ZRANB3: variants seen among roughly 807,000 people sequenced by gnomAD.
ZRANB3 encodes DNA annealing helicase and endonuclease ZRANB3.
In ZRANB3, 125 loss-of-function variants were observed where a neutral mutation model predicts 133.8. The observed-to-expected ratio is 0.93, with a 90% CI of 0.81 to 1.08. The LOEUF is 1.08. Among genes scored for constraint, ZRANB3 ranks in the 50% least tolerant of loss-of-function variants. The pLI is 0.00. For missense variants in ZRANB3, 1,229 were observed against 1,275.5 expected (o/e 0.96, Z 0.56); for synonymous variants, 387 against 432.7 (o/e 0.89, Z 1.31).
At position 135,208,948 on chromosome 2, in the gene ZRANB3, G is replaced by A; in HGVS notation, c.2526C>T (p.Ala842=). ...CAACATTCTTCACTTTGTCCATTGAGGCTACGGCAACATCTTCTTTGGTTA... is the reference window on the plus strand; with the variant it reads ...CAACATTCTTCACTTTGTCCATTGAAGCTACGGCAACATCTTCTTTGGTTA... ...RYITKEDVAV[A]SMDKVKNVGG... Residue 842 remains alanine (A), a synonymous_variant, in exon 18 of 21, where the codon GCC becomes GCT. Transcript: ENST00000264159. The A allele has an allele frequency of 1.2e-6, 2 of 1,613,870 alleles. No individual in the cohort carries two copies. Among genetic ancestry groups the A allele is most frequent in the Non-Finnish European group, 1.7e-6 (2 of 1,179,852 alleles).
intron 3 of ZRANB3, chr2:135,355,383 C>T (rs558921085): frequency 6.4e-5 from 33 of 517,446 alleles, no homozygotes; most frequent in African/African-American, 2.6e-4. Flanking sequence ...TTTTTTAAGA[C>T]GGAGTTTCAC....
chr2:135,504,277 A>C lies in ZRANB3; in HGVS notation c.161+52T>G, dbSNP rs572289016. 1.7e-4 allele frequency: 272 copies of C among 1,603,190 alleles called. 4 individuals carry two copies. The South Asian group carries it at 2.8e-3, about 17-fold the overall frequency. ...AAAGTTTGAACAGAACTTTGTTTTT[A>C]ATACACTTTCCAGGAATTTAACATT... On this transcript the variant is annotated intron_variant, in intron 2 of 20. Transcript: ENST00000264159.
At chr2:135,476,551 A>C (rs910047155) in intron 2 of ZRANB3, among the ~76,000 whole-genome samples, 1 of 152,150 alleles carries the variant, frequency 6.6e-6, no homozygotes, top group Non-Finnish European at 1.5e-5. Flanking sequence ...TATAATAAAA[A>C]TGTTTAGATA....
At position 135,199,926 on chromosome 2, in the gene ZRANB3, C is replaced by T. The variant is rs1693549774; in HGVS notation, c.*416G>A. ...AGAATTCCCAAATAATGATTTGCGT[C>T]TGAAATTTCCCATAAGGTTTTGCAA... On this transcript the variant is annotated 3_prime_UTR_variant, in exon 21 of 21. Transcript: ENST00000264159. The T allele has an allele frequency of 5.3e-6, 1 of 189,860 alleles. No homozygotes were observed. Among genetic ancestry groups the T allele is most frequent in the South Asian group, 9.0e-5 (1 of 11,058 alleles). The allele number at this position is 189,860 out of a possible 1,614,324, so 11.8% of individuals were successfully genotyped here.
At chr2:135,407,628 T>C (rs1444338860) in intron 2 of ZRANB3, among the ~76,000 whole-genome samples, 1 of 151,438 alleles carries the variant, frequency 6.6e-6, no homozygotes, top group African/African-American at 2.4e-5. Context: ...AACAGAGATA[T>C]AGACCAATGG....
chr2:135,312,816 G>C (rs1046670482), intron 8 of ZRANB3, among the ~76,000 whole-genome samples: 3 of 151,842 alleles, frequency 2.0e-5, no homozygotes, highest in Non-Finnish European at 4.4e-5. Context: ...AGGAGTTCAA[G>C]ACCAGCCTGG....
In ZRANB3 at chr2:135,341,603, G is replaced by C. The variant is rs111326519; in HGVS notation, c.677+3947C>G. ...AGATAACCATTAGGTCTGACTGCTT[G>C]GGAGCCAGGCAGGACAGAACTGTAT... On this transcript the variant is annotated intron_variant, in intron 6 of 20. Transcript: ENST00000264159. 8.7e-4 allele frequency among the ~76,000 whole-genome samples: 131 copies of C among 150,108 alleles called. 18 individuals carry two copies. The highest frequency in any genetic ancestry group is 3.1e-3 in the African/African-American group (123 of 39,458).
intron 8 of ZRANB3, among the ~76,000 whole-genome samples, chr2:135,281,757 T>C (rs1426696488): frequency 2.6e-5 from 4 of 152,224 alleles, no homozygotes; most frequent in Non-Finnish European, 5.9e-5. Context: ...TGGCTTTTAG[T>C]ACATTTGCAG....
At chr2:135,349,472 A>G (rs1226289926) in intron 5 of ZRANB3, among the ~76,000 whole-genome samples, 1 of 152,234 alleles carries the variant, frequency 6.6e-6, no homozygotes, top group African/African-American at 2.4e-5. Flanking sequence ...TAAATGGGGT[A>G]TCAAACACAT....
rs558611628 is a variant in ZRANB3, at chr2:135,416,076, C to T, written c.162-25256G>A. 2.5e-4 allele frequency among the ~76,000 whole-genome samples: 38 copies of T among 152,176 alleles called. No homozygotes were observed. The East Asian group carries it at 5.6e-3, about 22-fold the overall frequency. On this transcript the variant is annotated intron_variant, in intron 2 of 20. Coordinates refer to ENST00000264159, the MANE Select transcript of ZRANB3 (RefSeq NM_032143.4). ...ACAGGGATGCCCTCGCTCATCACTC[C>T]TATTCAACATAGTGTTGGAAGTTCT...
chr2:135,528,417 G>A lies in ZRANB3; in HGVS notation c.-8+2710C>T, dbSNP rs139473668. 4.8e-3 allele frequency among the ~76,000 whole-genome samples: 729 copies of A among 152,114 alleles called. 8 individuals carry two copies. Among genetic ancestry groups the A allele is most frequent in the African/African-American group, 0.017 (687 of 41,496 alleles). Reference sequence around the variant, plus strand: ...CTTGCCTTGACATCTTAAAGTGCTGGGATTACAGGTATGAGCCACCAGGTC... The same window carrying A: ...CTTGCCTTGACATCTTAAAGTGCTGAGATTACAGGTATGAGCCACCAGGTC... On this transcript the variant is annotated intron_variant, in intron 1 of 20. Transcript: ENST00000264159.
chr2:135,518,147 G>C (rs866380589), intron 1 of ZRANB3, among the ~76,000 whole-genome samples: 3 of 152,144 alleles, frequency 2.0e-5, no homozygotes, highest in African/African-American at 4.8e-5. Context: ...TTCAGACTGC[G>C]TGCTGGAAGT....
At chr2:135,273,131 A>T (rs973859107) in intron 9 of ZRANB3, among the ~76,000 whole-genome samples, 2 of 150,884 alleles carry the variant, frequency 1.3e-5, no homozygotes, top group African/African-American at 4.9e-5. Flanking sequence ...GCTTGCAGCG[A>T]GTGGAGATCT....
intron 2 of ZRANB3, among the ~76,000 whole-genome samples, chr2:135,400,735 T>C: frequency 6.6e-6 from 1 of 152,220 alleles, no homozygotes; most frequent in Non-Finnish European, 1.5e-5. Flanking sequence ...TTACAGGTCA[T>C]GCATGCCAAT....
intron 2 of ZRANB3, among the ~76,000 whole-genome samples, chr2:135,483,666 T>C (rs989623129): frequency 3.9e-5 from 6 of 152,126 alleles, no homozygotes; most frequent in Admixed American, 3.9e-4. Context: ...TTTGAATGTG[T>C]TTGCTCTTGC....
intron 8 of ZRANB3, among the ~76,000 whole-genome samples, chr2:135,284,660 A>G (rs181052418): frequency 1.4e-3 from 218 of 151,802 alleles, no homozygotes; most frequent in African/African-American, 5.0e-3. Context: ...TTTAGTAGAA[A>G]CGGGGTTTCA....
At chr2:135,390,655 C>G (rs1363183200) in intron 3 of ZRANB3, 147 bp downstream of exon 3, 1 of 1,157,722 alleles carries the variant, frequency 8.6e-7, no homozygotes, top group Non-Finnish European at 1.2e-6. Context: ...CTCTCCCCCT[C>G]CCTCCTCACC....
intron 8 of ZRANB3, among the ~76,000 whole-genome samples, chr2:135,282,356 G>T (rs915444958): frequency 2.0e-5 from 3 of 152,126 alleles, no homozygotes; most frequent in Admixed American, 1.3e-4. Context: ...TTTTAATTTA[G>T]AAACTTTTTC....
chr2:135,202,830 A>G lies in ZRANB3; in HGVS notation c.3141+2T>C. 6.2e-7 allele frequency: 1 copy of G among 1,605,854 alleles called. No homozygotes were observed. The highest frequency in any genetic ancestry group is 8.5e-7 in the Non-Finnish European group (1 of 1,175,992). ...TCAAAGCTATATGAGAGCTTCACTG[A>G]CCTCTTTGTGACAGACTGTGCAGAG... is the stretch of plus-strand genomic sequence containing the variant. On this transcript the variant is annotated splice_donor_variant, in intron 20 of 20. Transcript: ENST00000264159. LOFTEE classifies it high-confidence loss of function.
Sources: gnomAD v4.1 joint callset for allele counts (sites outside exome capture counted in the v4.1 genomes callset) on GRCh38, gnomAD v4.1.1 for gene constraint, MANE v1.5 for transcripts, NCBI Gene and HGNC (gene_info 2026-07-23, HGNC 2026-07-21) for gene names.